Variants in BTRC observed in about 807,000 individuals in gnomAD.
BTRC encodes F-box/WD repeat-containing protein 1A.
A neutral mutation model predicts 85.5 loss-of-function variants in BTRC; 42 were observed. The observed-to-expected ratio is 0.49, with a 90% confidence interval of 0.38 to 0.64. BTRC has a LOEUF of 0.64. Ranked by LOEUF, BTRC falls within the 30% of genes least tolerant of loss-of-function variation. The pLI, the probability that BTRC is intolerant of heterozygous loss-of-function variation, is 0.00. For missense variants in BTRC, 594 were observed against 743.5 expected (o/e 0.80, Z 2.34); for synonymous variants, 255 against 263.3 (o/e 0.97, Z 0.30).
At chr10:101,498,744 A>T (rs1224827493) in intron 4 of BTRC, among the ~76,000 whole-genome samples, 1 of 152,084 alleles carries the variant, frequency 6.6e-6, no homozygotes, top group African/African-American at 2.4e-5. Flanking sequence ...TATTCCCAGC[A>T]CTTTGGGAAG....
At chr10:101,380,372 C>T (rs908680672) in intron 1 of BTRC, among the ~76,000 whole-genome samples, 5 of 151,998 alleles carry the variant, frequency 3.3e-5, no homozygotes, top group Non-Finnish European at 7.4e-5. Flanking sequence ...GATTTAACAA[C>T]CTCTTTTTTT....
At chr10:101,496,242 A>G (rs1239486255) in intron 4 of BTRC, among the ~76,000 whole-genome samples, 1 of 152,210 alleles carries the variant, frequency 6.6e-6, no homozygotes, top group South Asian at 2.1e-4. Flanking sequence ...TTGAATGGGT[A>G]TATTAACCAG....
intron 1 of BTRC, among the ~76,000 whole-genome samples, chr10:101,410,251 C>T (rs2134020907): frequency 6.6e-6 from 1 of 152,122 alleles, no homozygotes; most frequent in East Asian, 1.9e-4. Context: ...TTTAAACTTA[C>T]CATACTAGTG....
In BTRC at chr10:101,471,220, A is replaced by G. The variant is rs548261778; in HGVS notation, c.235-8148A>G. Reference sequence around the variant, plus strand: ...TTTTAGAATCAACCTTGCACTTTCTATTAAAAAGCAGTCTGTGAGGGGCTG... The same window carrying G: ...TTTTAGAATCAACCTTGCACTTTCTGTTAAAAAGCAGTCTGTGAGGGGCTG... On this transcript the variant is annotated intron_variant, in intron 3 of 14. Transcript: ENST00000370187. Among the ~76,000 whole-genome samples the G allele has an allele frequency of 3.9e-5, 6 of 152,228 alleles. No individual in the cohort carries two copies. The South Asian group carries it at 1.0e-3, about 26-fold the overall frequency.
At chr10:101,432,709 A>G (rs1944432489) in intron 2 of BTRC, among the ~76,000 whole-genome samples, 1 of 152,206 alleles carries the variant, frequency 6.6e-6, no homozygotes, top group African/African-American at 2.4e-5. Context: ...CTCACAGTTT[A>G]TTACAGGAAA....
chr10:101,502,252 T>C (rs1347684156), intron 4 of BTRC, among the ~76,000 whole-genome samples: 1 of 152,164 alleles, frequency 6.6e-6, no homozygotes, highest in East Asian at 1.9e-4. Flanking sequence ...TTGGTAGAAA[T>C]TGTTCAAGTG....
intron 3 of BTRC, 84 bp from the exon 4 acceptor site, chr10:101,479,284 T>G: frequency 5.9e-6 from 6 of 1,009,050 alleles, no homozygotes; most frequent in South Asian, 1.4e-5. Flanking sequence ...TGTTTTGACT[T>G]GAGAAATAGA....
chr10:101,395,825 C>A (rs1029848292), intron 1 of BTRC, among the ~76,000 whole-genome samples: 1 of 151,942 alleles, frequency 6.6e-6, no homozygotes. Flanking sequence ...TATGAATAAT[C>A]TTTTACATGC....
intron 13 of BTRC, among the ~76,000 whole-genome samples, chr10:101,549,716 A>AAAAAAAAAAAAC (rs1195812267): frequency 7.3e-6 from 1 of 136,106 alleles, no homozygotes; most frequent in Non-Finnish European, 1.7e-5. Flanking sequence ...TCTGTCTCAA[A>AAAAAAAAAAAAC]AAAAAAAAAA....
At chr10:101,510,569 G>A (rs1946678302) in intron 4 of BTRC, among the ~76,000 whole-genome samples, 3 of 151,748 alleles carry the variant, frequency 2.0e-5, no homozygotes, top group Non-Finnish European at 4.4e-5. Context: ...CCTGACAACA[G>A]CCTCTAGAGA....
chr10:101,533,082 CA>C lies in BTRC; in HGVS notation c.1097+15del. 6.3e-6 allele frequency: 10 copies of C among 1,579,678 alleles called. No homozygotes were observed. The highest frequency in any genetic ancestry group is 8.7e-6 in the Non-Finnish European group (10 of 1,149,506). On this transcript the variant is annotated intron_variant, in intron 9 of 14. Coordinates refer to ENST00000370187, the MANE Select transcript of BTRC (RefSeq NM_033637.4). ...GATTCCACGGTCAGGTAGAAAATTT[CA>C]AATGCTTTTTTGAACTCTGAAATAT...
At chr10:101,504,263 A>C (rs1946461952) in intron 4 of BTRC, among the ~76,000 whole-genome samples, 1 of 152,196 alleles carries the variant, frequency 6.6e-6, no homozygotes, top group African/African-American at 2.4e-5. Context: ...TTTAAAAAAT[A>C]GTTTTTTATC....
At chr10:101,397,519 A>G (rs1039565597) in intron 1 of BTRC, among the ~76,000 whole-genome samples, 8 of 152,216 alleles carry the variant, frequency 5.3e-5, no homozygotes, top group African/African-American at 1.9e-4. Flanking sequence ...TTTCAACTCA[A>G]TTTTATTGCC....
intron 2 of BTRC, among the ~76,000 whole-genome samples, chr10:101,447,293 G>A (rs1372348923): frequency 6.6e-6 from 1 of 152,108 alleles, no homozygotes; most frequent in Non-Finnish European, 1.5e-5. Flanking sequence ...ATTCCACTCA[G>A]AAAGAAAGGA....
chr10:101,533,104 A>C, intron 9 of BTRC, 34 bp downstream of exon 9: 3 of 1,441,474 alleles, frequency 2.1e-6, no homozygotes, highest in Non-Finnish European at 2.9e-6. Flanking sequence ...TGAACTCTGA[A>C]ATATCAGCTC....
rs1256988817 is a variant in BTRC, at chr10:101,439,819, G to A, written c.156+9367G>A. On this transcript the variant is annotated intron_variant, in intron 2 of 14. Transcript: ENST00000370187. ...CTATTGTAAGGAAGAATCAGGTTAG[G>A]TCCCATTTCTGTTTTTGTGGAGGCA... Among the ~76,000 whole-genome samples the A allele has an allele frequency of 3.3e-5, 5 of 152,216 alleles. No homozygotes were observed. In the South Asian group the frequency reaches 6.2e-4, roughly 19 times the overall value.
At chr10:101,548,079 G>T (rs946447015) in intron 13 of BTRC, among the ~76,000 whole-genome samples, 6 of 152,158 alleles carry the variant, frequency 3.9e-5, no homozygotes, top group African/African-American at 1.4e-4. Flanking sequence ...AAATGTAAAA[G>T]ATTGGTAATA....
At chr10:101,546,412 T>A (rs2062558952) in intron 13 of BTRC, among the ~76,000 whole-genome samples, 1 of 152,178 alleles carries the variant, frequency 6.6e-6, no homozygotes, top group Admixed American at 6.5e-5. Flanking sequence ...TATTTTTTTT[T>A]AATTTTTACT....
chr10:101,548,056 A>G (rs889569565), intron 13 of BTRC, among the ~76,000 whole-genome samples: 2 of 152,254 alleles, frequency 1.3e-5, no homozygotes, highest in Non-Finnish European at 2.9e-5. Context: ...TACTACTACA[A>G]ACCTACCAAA....
Sources: gnomAD v4.1 joint callset for allele counts (sites outside exome capture counted in the v4.1 genomes callset) on GRCh38, gnomAD v4.1.1 for gene constraint, MANE v1.5 for transcripts, NCBI Gene and HGNC (gene_info 2026-07-23, HGNC 2026-07-21) for gene names.